GOLIM4: variants seen among roughly 807,000 people sequenced by gnomAD.
The protein encoded by GOLIM4 is golgi integral membrane protein 4, also known as 130 kDa golgi-localized phosphoprotein.
A neutral mutation model predicts 107.4 loss-of-function variants in GOLIM4; 71 were observed. The ratio of observed to expected loss-of-function variants is 0.66; its 90% CI spans 0.55 to 0.81. GOLIM4 has a LOEUF of 0.81. GOLIM4 is among the 30% of genes least tolerant of loss of function. The pLI, the probability that GOLIM4 is intolerant of heterozygous loss-of-function variation, is 0.00. For synonymous variants in GOLIM4, 327 were observed against 294.8 expected (o/e 1.11, Z -1.12); for missense variants, 830 against 826.1 (o/e 1.00, Z -0.06).
At position 168,095,116 on chromosome 3, in the gene GOLIM4, A is replaced by AGGG; in HGVS notation, c.167_169dup (p.Ser56_Leu57insPro). 6.2e-7 allele frequency: 1 copy of AGGG among 1,602,220 alleles called. No homozygotes were observed. The highest frequency in any genetic ancestry group is 8.5e-7 in the Non-Finnish European group (1 of 1,171,318). ...AGCCGTACCTTGTAACTGGGCGGAG[A>AGGG]GGGACTCCTGGTGCTGCTGGTACTT... is the stretch of plus-strand genomic sequence containing the variant. On this transcript the variant is annotated inframe_insertion, in exon 1 of 16. Coordinates refer to ENST00000470487, the MANE Select transcript of GOLIM4 (RefSeq NM_014498.5).
At chr3:168,024,467 T>A in intron 14 of GOLIM4, 59 bp downstream of exon 14, 1 of 1,173,476 alleles carries the variant, frequency 8.5e-7, no homozygotes, top group Non-Finnish European at 1.3e-6. Context: ...GAGGTTTGTT[T>A]AAGGTTAGTG....
intron 13 of GOLIM4, 137 bp from the exon 14 acceptor site, chr3:168,024,731 A>C (rs1486155061): frequency 1.2e-6 from 1 of 842,628 alleles, no homozygotes; most frequent in Admixed American, 1.9e-5. Context: ...ATGATGAGTA[A>C]TCATTCCCAA....
At chr3:168,066,942 T>C (rs1325898122) in intron 1 of GOLIM4, among the ~76,000 whole-genome samples, 1 of 152,168 alleles carries the variant, frequency 6.6e-6, no homozygotes, top group Non-Finnish European at 1.5e-5. Context: ...GTAGTTCTTG[T>C]GAGTGTGATT....
At chr3:168,027,987 T>C (rs549787801) in intron 11 of GOLIM4, 150 bp from the exon 12 acceptor site, 60 of 626,472 alleles carry the variant, frequency 9.6e-5, no homozygotes, top group African/African-American at 8.4e-4. Context: ...CTGGCTTTTC[T>C]GAATAAGGTT....
At chr3:168,087,074 C>T (rs974680275) in intron 1 of GOLIM4, among the ~76,000 whole-genome samples, 1 of 152,148 alleles carries the variant, frequency 6.6e-6, no homozygotes, top group African/African-American at 2.4e-5. Flanking sequence ...AAACTTCAGA[C>T]ATGCAGGCAC....
At chr3:168,053,010 ACTCAT>A (rs1719742041) in intron 1 of GOLIM4, among the ~76,000 whole-genome samples, 1 of 152,168 alleles carries the variant, frequency 6.6e-6, no homozygotes, top group South Asian at 2.1e-4. Context: ...AATCCATAAT[ACTCAT>A]CTCATCTCCT....
chr3:168,053,918 G>C (rs142224215), intron 1 of GOLIM4, among the ~76,000 whole-genome samples: 2 of 152,208 alleles, frequency 1.3e-5, no homozygotes, highest in African/African-American at 4.8e-5. Context: ...AAAGAAAAAG[G>C]AGGTGGACCA....
At chr3:168,086,575 A>G (rs1301229162) in intron 1 of GOLIM4, among the ~76,000 whole-genome samples, 2 of 152,250 alleles carry the variant, frequency 1.3e-5, no homozygotes, top group Non-Finnish European at 2.9e-5. Context: ...TATAATGCCT[A>G]TCCTTCAGAA....
At chr3:168,082,767 A>G (rs1721439231) in intron 1 of GOLIM4, among the ~76,000 whole-genome samples, 1 of 152,112 alleles carries the variant, frequency 6.6e-6, no homozygotes, top group South Asian at 2.1e-4. Flanking sequence ...TTAGAATGCC[A>G]GTGAACATCA....
intron 14 of GOLIM4, among the ~76,000 whole-genome samples, chr3:168,013,311 C>A (rs928865397): frequency 2.0e-5 from 3 of 151,942 alleles, no homozygotes; most frequent in East Asian, 3.9e-4. Context: ...ACATAATGGT[C>A]AAGGGATCAA....
Position 168,088,324 on chromosome 3 carries a change from T to A in GOLIM4, c.187+6775A>T, listed in dbSNP as rs147632932. Among the ~76,000 whole-genome samples, 193 of 152,184 alleles carry A rather than the reference T, an allele frequency of 1.3e-3. 1 individual carries two copies. The highest frequency in any genetic ancestry group is 4.5e-3 in the African/African-American group (188 of 41,504). On this transcript the variant is annotated intron_variant, in intron 1 of 15. Transcript: ENST00000470487. Reference sequence around the variant, plus strand: ...TAACACTCTTACCTACTAGATGTAGTAAAGGCTGGGCAAAATAAAAAGAAG... The same window carrying A: ...TAACACTCTTACCTACTAGATGTAGAAAAGGCTGGGCAAAATAAAAAGAAG...
chr3:168,046,781 C>A (rs549558804), intron 3 of GOLIM4, among the ~76,000 whole-genome samples, 169 bp downstream of exon 3: 57 of 149,714 alleles, frequency 3.8e-4, no homozygotes, highest in African/African-American at 1.4e-3. Flanking sequence ...AGTTTAAAGT[C>A]TTCCTCTTAG....
intron 1 of GOLIM4, among the ~76,000 whole-genome samples, chr3:168,093,596 G>A (rs901044599): frequency 2.0e-5 from 3 of 152,148 alleles, no homozygotes; most frequent in Admixed American, 6.5e-5. Flanking sequence ...GAACTTCACA[G>A]GGAAGCAACT....
At chr3:168,064,013 C>G (rs1183243459) in intron 1 of GOLIM4, among the ~76,000 whole-genome samples, 1 of 152,122 alleles carries the variant, frequency 6.6e-6, no homozygotes, top group Non-Finnish European at 1.5e-5. Context: ...GGCAAGCAGG[C>G]CTTGAGATAC....
chr3:168,072,511 C>T (rs1221874815), intron 1 of GOLIM4, among the ~76,000 whole-genome samples: 3 of 151,874 alleles, frequency 2.0e-5, no homozygotes, highest in East Asian at 1.9e-4. Flanking sequence ...AAAAGTTCAA[C>T]AGAAAACTTA....
intron 1 of GOLIM4, among the ~76,000 whole-genome samples, chr3:168,079,025 A>C (rs1247710721): frequency 1.3e-5 from 2 of 152,220 alleles, no homozygotes; most frequent in Non-Finnish European, 2.9e-5. Flanking sequence ...AAGTAACACT[A>C]GGAAAGGAGC....
chr3:168,056,690 C>T (rs1011858940), intron 1 of GOLIM4, among the ~76,000 whole-genome samples: 14 of 152,206 alleles, frequency 9.2e-5, no homozygotes, highest in African/African-American at 3.4e-4. Context: ...GACTGTCCTG[C>T]TGGATTTTGG....
At chr3:168,084,576 A>G (rs1721531237) in intron 1 of GOLIM4, among the ~76,000 whole-genome samples, 1 of 152,206 alleles carries the variant, frequency 6.6e-6, no homozygotes, top group Admixed American at 6.5e-5. Flanking sequence ...ACCATGGCAG[A>G]GTCACCCAGT....
At chr3:168,042,053 G>T (rs185164359) in intron 5 of GOLIM4, among the ~76,000 whole-genome samples, 274 of 152,100 alleles carry the variant, frequency 1.8e-3, no homozygotes, top group Non-Finnish European at 2.7e-3. Context: ...GTGGTCCTAA[G>T]GACACAACAC....
Sources: allele counts gnomAD v4.1 joint callset (sites outside exome capture counted in the v4.1 genomes callset), GRCh38; gene constraint gnomAD v4.1.1; transcripts MANE v1.5; gene names NCBI Gene and HGNC (gene_info 2026-07-23, HGNC 2026-07-21).